The following THSD4 variants were observed in gnomAD, a reference collection of about 807,000 sequenced individuals.
THSD4 encodes the protein thrombospondin type 1 domain containing 4, also known as thrombospondin type-1 domain-containing protein 4.
Under a neutral mutation model 119.0 loss-of-function variants are expected in THSD4, and 69 were observed. That is an observed-to-expected ratio of 0.58 (90% CI 0.48 to 0.71). THSD4 has a LOEUF of 0.71. Among genes scored for constraint, THSD4 ranks in the 30% least tolerant of loss-of-function variants. The pLI, the probability that THSD4 is intolerant of heterozygous loss-of-function variation, is 0.00. For missense variants in THSD4, 1,393 were observed against 1,391.1 expected (o/e 1.00, Z -0.02); for synonymous variants, 524 against 540.4 (o/e 0.97, Z 0.42).
rs1555445094 is a variant in THSD4, at chr15:71,716,561, G to GGGGTGTGTGTGTGTGTGTGT, written c.1358-11987_1358-11986insGGTGTGTGTGTGTGTGTGTG. ...TTCCTGTTTGTTTTATAGAGTGTGG[G>GGGGTGTGTGTGTGTGTGTGT]GTGTGTGTGTGTGTGTGTGTTGGTT... On this transcript the variant is annotated intron_variant, in intron 8 of 17. Transcript: ENST00000261862. 2.9e-3 allele frequency among the ~76,000 whole-genome samples: 419 copies of GGGGTGTGTGTGTGTGTGTGT among 144,616 alleles called. 2 individuals are homozygous for GGGGTGTGTGTGTGTGTGTGT. Among genetic ancestry groups the GGGGTGTGTGTGTGTGTGTGT allele is most frequent in the Non-Finnish European group, 3.9e-3 (263 of 66,630 alleles). 94.9% of individuals were successfully genotyped at this position (144,616 alleles called of 152,430 possible).
chr15:71,507,280 C>T (rs774271989), intron 7 of THSD4, among the ~76,000 whole-genome samples: 3 of 152,142 alleles, frequency 2.0e-5, no homozygotes, highest in South Asian at 4.1e-4. Flanking sequence ...TTTAATATTC[C>T]CTGAGACAGA....
intron 7 of THSD4, among the ~76,000 whole-genome samples, chr15:71,562,365 G>T (rs562879185): frequency 1.3e-5 from 2 of 150,436 alleles, no homozygotes; most frequent in African/African-American, 5.0e-5. Context: ...ATCTGAGTGT[G>T]TTGGAAGGTG....
Position 71,780,722 on chromosome 15 carries a change from T to C in THSD4, c.*3348T>C, listed in dbSNP as rs1445319761. On this transcript the variant is annotated 3_prime_UTR_variant, in exon 18 of 18. Transcript: ENST00000261862. ...TCCGCACTGTGCCTACCTGTCCCTT[T>C]ACCTTACCTCTCTGGCCCAGAGTTC... 1 of 456,450 alleles carries C rather than the reference T, an allele frequency of 2.2e-6. No individual in the cohort carries two copies. The highest frequency in any genetic ancestry group is 2.0e-5 in the African/African-American group (1 of 50,186). The allele number at this position is 456,450 out of a possible 1,614,324, so 28.3% of individuals were successfully genotyped here.
At chr15:71,535,896 A>G (rs2048683319) in intron 7 of THSD4, among the ~76,000 whole-genome samples, 1 of 152,138 alleles carries the variant, frequency 6.6e-6, no homozygotes, top group Admixed American at 6.5e-5. Flanking sequence ...CACCAACTTG[A>G]TGGTATCATT....
chr15:71,237,068 G>A (rs1438577598), intron 4 of THSD4, among the ~76,000 whole-genome samples: 1 of 152,190 alleles, frequency 6.6e-6, no homozygotes, highest in East Asian at 1.9e-4. Context: ...AGTGGTGTGG[G>A]TGGTCCATGC....
intron 7 of THSD4, among the ~76,000 whole-genome samples, chr15:71,541,014 C>T (rs891178536): frequency 5.2e-4 from 79 of 152,270 alleles, no homozygotes; most frequent in African/African-American, 1.8e-3. Flanking sequence ...TGAGCCACTG[C>T]GCCCAGCCTC....
At chr15:71,371,815 A>C (rs986826087) in intron 6 of THSD4, among the ~76,000 whole-genome samples, 1 of 152,056 alleles carries the variant, frequency 6.6e-6, no homozygotes, top group Non-Finnish European at 1.5e-5. Context: ...CCTGAATTTG[A>C]ATGTTGGCCT....
intron 3 of THSD4, among the ~76,000 whole-genome samples, chr15:71,193,784 T>C (rs538110113): frequency 6.6e-6 from 1 of 152,302 alleles, no homozygotes; most frequent in Non-Finnish European, 1.5e-5. Context: ...CTCGGCTCTC[T>C]GCAAGCTCCG....
In THSD4 at chr15:71,335,041, G is replaced by A. The variant is rs61539128; in HGVS notation, c.1016-76646G>A. 2.5e-3 allele frequency among the ~76,000 whole-genome samples: 375 copies of A among 152,270 alleles called. 1 individual carries two copies. Among genetic ancestry groups the A allele is most frequent in the African/African-American group, 7.8e-3 (326 of 41,558 alleles). ...GAGCTCAGGTCTGGGGAGGGTGAGC[G>A]CACTCTTGGCAGGCAGCTGTCTTGT... is the stretch of plus-strand genomic sequence containing the variant. On this transcript the variant is annotated intron_variant, in intron 6 of 17. Coordinates refer to ENST00000261862, the MANE Select transcript of THSD4 (RefSeq NM_024817.3).
At chr15:71,563,972 G>T (rs555975690) in intron 7 of THSD4, among the ~76,000 whole-genome samples, 1 of 152,252 alleles carries the variant, frequency 6.6e-6, no homozygotes, top group East Asian at 1.9e-4. Flanking sequence ...TGGTTGATGT[G>T]CCAGTCAGCC....
chr15:71,432,201 C>T (rs2046951719), intron 7 of THSD4, among the ~76,000 whole-genome samples: 1 of 152,198 alleles, frequency 6.6e-6, no homozygotes, highest in African/African-American at 2.4e-5. Flanking sequence ...GTGATTTTAA[C>T]ATACTGAGTA....
intron 4 of THSD4, among the ~76,000 whole-genome samples, chr15:71,230,806 G>A (rs2044054763): frequency 6.6e-6 from 1 of 152,178 alleles, no homozygotes; most frequent in African/African-American, 2.4e-5. Flanking sequence ...CTCAGCCTTA[G>A]CTGGAAGCAT....
intron 7 of THSD4, among the ~76,000 whole-genome samples, chr15:71,476,981 G>T (rs2047663700): frequency 6.6e-6 from 1 of 152,206 alleles, no homozygotes; most frequent in Admixed American, 6.5e-5. Flanking sequence ...TCCTGGGGCA[G>T]GGAGAACTTC....
intron 7 of THSD4, among the ~76,000 whole-genome samples, chr15:71,492,316 G>A (rs1374323487): frequency 1.3e-5 from 2 of 152,074 alleles, no homozygotes; most frequent in Non-Finnish European, 2.9e-5. Flanking sequence ...CCAGGCTGGA[G>A]TACAGTGGCA....
intron 7 of THSD4, among the ~76,000 whole-genome samples, chr15:71,563,960 CT>C (rs2049175438): frequency 6.6e-6 from 1 of 152,110 alleles, no homozygotes; most frequent in African/African-American, 2.4e-5. Flanking sequence ...CATCAGTTGT[CT>C]TGGTTGATGT....
chr15:71,153,025 A>G (rs775557926), intron 2 of THSD4, among the ~76,000 whole-genome samples: 1 of 152,134 alleles, frequency 6.6e-6, no homozygotes, highest in Non-Finnish European at 1.5e-5. Flanking sequence ...CTAAAAATAC[A>G]GACTGTTCCC....
intron 6 of THSD4, among the ~76,000 whole-genome samples, chr15:71,397,629 G>A (rs529149314): frequency 6.6e-6 from 1 of 152,312 alleles, no homozygotes; most frequent in Non-Finnish European, 1.5e-5. Flanking sequence ...GAGAGGGTGA[G>A]CATTTGCTTA....
intron 3 of THSD4, among the ~76,000 whole-genome samples, chr15:71,174,797 G>C (rs891804238): frequency 4.6e-5 from 7 of 152,120 alleles, no homozygotes; most frequent in South Asian, 2.1e-4. Context: ...ATCTGAGAAC[G>C]TGCAGACTGC....
intron 3 of THSD4, among the ~76,000 whole-genome samples, chr15:71,197,721 G>T (rs1026794076): frequency 2.6e-5 from 4 of 152,086 alleles, no homozygotes; most frequent in Non-Finnish European, 4.4e-5. Flanking sequence ...CAAGAAGAAG[G>T]TCGCATCTGC....
Sources: gnomAD v4.1 joint callset for allele counts (sites outside exome capture counted in the v4.1 genomes callset) on GRCh38, gnomAD v4.1.1 for gene constraint, MANE v1.5 for transcripts, NCBI Gene and HGNC (gene_info 2026-07-23, HGNC 2026-07-21) for gene names.